The following KCNH5 variants were observed in gnomAD, a reference collection of about 807,000 sequenced individuals.
The protein encoded by KCNH5 is potassium voltage-gated channel subfamily H member 5.
A neutral mutation model predicts 96.1 loss-of-function variants in KCNH5; 46 were observed. That is an observed-to-expected ratio of 0.48 (90% confidence interval 0.38 to 0.61). The LOEUF (loss-of-function observed/expected upper bound fraction) is 0.61. Ranked by LOEUF, KCNH5 falls within the 20% of genes least tolerant of loss-of-function variation. KCNH5 has a pLI of 0.00. For missense variants in KCNH5, 907 were observed against 1,225.8 expected, an observed-to-expected ratio of 0.74 and a Z score of 3.88; for synonymous variants, 439 against 449.8, an observed-to-expected ratio of 0.98 and a Z score of 0.30.
At chr14:62,966,740 T>C (rs1890312227) in intron 6 of KCNH5, among the ~76,000 whole-genome samples, 1 of 152,176 alleles carries the variant, frequency 6.6e-6, no homozygotes, top group Non-Finnish European at 1.5e-5. Context: ...CTAAGATTCT[T>C]TGAATTCTTT....
At chr14:62,729,489 A>G (rs1219680342) in intron 10 of KCNH5, among the ~76,000 whole-genome samples, 2 of 152,198 alleles carry the variant, frequency 1.3e-5, no homozygotes, top group Non-Finnish European at 1.5e-5. Context: ...ACATGTCTCA[A>G]AACAACTATT....
intron 7 of KCNH5, among the ~76,000 whole-genome samples, chr14:62,869,956 T>A (rs200000706): frequency 3.3e-5 from 5 of 152,098 alleles, no homozygotes; most frequent in African/African-American, 1.2e-4. Flanking sequence ...TCAAGATTAA[T>A]TGAAGATTTA....
chr14:62,841,193 AAAT>A (rs1434581899), intron 8 of KCNH5, among the ~76,000 whole-genome samples: 7 of 152,208 alleles, frequency 4.6e-5, no homozygotes, highest in Admixed American at 2.0e-4. Context: ...AAACGCAGTC[AAAT>A]AATAATAACA....
At chr14:62,740,464 T>G (rs917710258) in intron 10 of KCNH5, among the ~76,000 whole-genome samples, 9 of 152,108 alleles carry the variant, frequency 5.9e-5, no homozygotes, top group Admixed American at 5.9e-4. Flanking sequence ...CTGCCCCATT[T>G]TGCTCTCCTG....
rs1167530823 is a variant in KCNH5, at chr14:63,006,489, A to C, written c.198-17T>G. The C allele has an allele frequency of 1.1e-5, 16 of 1,404,444 alleles. No individual in the cohort carries two copies. The highest frequency in any genetic ancestry group is 1.3e-5 in the Non-Finnish European group (13 of 993,906). 87.0% of individuals were successfully genotyped at this position (1,404,444 alleles called of 1,614,324 possible). ...TACATAAAACTGGGGGGGAAAAAAA[A>C]CAAACAATCGATTTCACTTTTGTGT... On this transcript the variant is annotated splice_polypyrimidine_tract_variant and intron_variant, in intron 2 of 10. Transcript: ENST00000322893.
chr14:62,953,722 C>A (rs1890049406), intron 6 of KCNH5, among the ~76,000 whole-genome samples: 1 of 152,116 alleles, frequency 6.6e-6, no homozygotes, highest in Non-Finnish European at 1.5e-5. Context: ...TTTAATAAAT[C>A]TCTCAAAAAA....
intron 7 of KCNH5, among the ~76,000 whole-genome samples, chr14:62,913,137 T>A (rs1012641202): frequency 6.6e-6 from 1 of 152,204 alleles, no homozygotes; most frequent in Admixed American, 6.5e-5. Flanking sequence ...AGCTGCAGAA[T>A]AAATCTGATG....
intron 3 of KCNH5, among the ~76,000 whole-genome samples, chr14:63,004,717 G>C (rs546120379): frequency 6.6e-6 from 1 of 152,216 alleles, no homozygotes; most frequent in African/African-American, 2.4e-5. Flanking sequence ...CCATCCACCT[G>C]CCTCAGCCTC....
chr14:63,029,103 T>C (rs1891577936), intron 1 of KCNH5, among the ~76,000 whole-genome samples: 1 of 152,166 alleles, frequency 6.6e-6, no homozygotes, highest in Admixed American at 6.6e-5. Context: ...TCTGAGTTTA[T>C]GGAGGACAAA....
chr14:62,998,386 GA>G (rs1485970875), intron 4 of KCNH5, among the ~76,000 whole-genome samples: 5 of 152,046 alleles, frequency 3.3e-5, no homozygotes, highest in Admixed American at 1.3e-4. Context: ...TAACTTTAAT[GA>G]CCTGTTCAAA....
intron 9 of KCNH5, among the ~76,000 whole-genome samples, chr14:62,796,358 T>C (rs1356701231): frequency 6.6e-6 from 1 of 152,194 alleles, no homozygotes; most frequent in Non-Finnish European, 1.5e-5. Context: ...AGAATCTTAA[T>C]TCAAGTGCTA....
At chr14:62,958,786 G>A (rs1249054180) in intron 6 of KCNH5, among the ~76,000 whole-genome samples, 2 of 152,128 alleles carry the variant, frequency 1.3e-5, no homozygotes, top group Admixed American at 6.6e-5. Flanking sequence ...CAGTTATACA[G>A]TGGGTTCCAC....
chr14:62,844,272 G>T (rs1319458364), intron 8 of KCNH5, among the ~76,000 whole-genome samples: 2 of 151,606 alleles, frequency 1.3e-5, no homozygotes, highest in Non-Finnish European at 2.9e-5. Flanking sequence ...CAAAAGGTAA[G>T]GTTTTAGACC....
At chr14:62,982,146 T>A (rs923870073) in intron 5 of KCNH5, among the ~76,000 whole-genome samples, 1 of 152,066 alleles carries the variant, frequency 6.6e-6, no homozygotes, top group African/African-American at 2.4e-5. Context: ...CTGGCCAACA[T>A]GGTGAAACGC....
chr14:62,928,743 T>A (rs572474808), intron 7 of KCNH5, among the ~76,000 whole-genome samples: 1 of 152,128 alleles, frequency 6.6e-6, no homozygotes, highest in Admixed American at 6.6e-5. Context: ...TGAAACACTT[T>A]CCTCAGCTGA....
At chr14:63,030,816 C>G (rs1891610899) in intron 1 of KCNH5, among the ~76,000 whole-genome samples, 2 of 152,138 alleles carry the variant, frequency 1.3e-5, no homozygotes, top group South Asian at 4.1e-4. Flanking sequence ...AATGCAGATG[C>G]TCTGAACTGA....
At chr14:63,016,665 C>T (rs1296994464) in intron 2 of KCNH5, among the ~76,000 whole-genome samples, 166 bp downstream of exon 2, 1 of 152,096 alleles carries the variant, frequency 6.6e-6, no homozygotes, top group Non-Finnish European at 1.5e-5. Flanking sequence ...TCACCAGTGG[C>T]TCTTAAGCTA....
chr14:63,033,355 T>C (rs1891664180), intron 1 of KCNH5, among the ~76,000 whole-genome samples: 1 of 152,070 alleles, frequency 6.6e-6, no homozygotes, highest in African/African-American at 2.4e-5. Context: ...ATTCATTTTC[T>C]TTTTCTCCTT....
chr14:62,775,462 G>A (rs1277118175), intron 10 of KCNH5, among the ~76,000 whole-genome samples: 2 of 152,124 alleles, frequency 1.3e-5, no homozygotes, highest in Non-Finnish European at 2.9e-5. Context: ...AAAAAAATAT[G>A]AGGACTAAGC....
Sources: allele counts gnomAD v4.1 joint callset (sites outside exome capture counted in the v4.1 genomes callset), GRCh38; gene constraint gnomAD v4.1.1; transcripts MANE v1.5; gene names NCBI Gene and HGNC (gene_info 2026-07-23, HGNC 2026-07-21).